TNIK: variants seen among roughly 807,000 people sequenced by gnomAD.
The protein encoded by TNIK is TRAF2 and NCK-interacting protein kinase.
In TNIK, 49 loss-of-function variants were observed where a neutral mutation model predicts 191.3. The observed-to-expected ratio is 0.26, with a 90% CI of 0.20 to 0.32. The LOEUF is 0.32. TNIK is among the 10% of genes least tolerant of loss of function. The pLI is 1.00. For synonymous variants in TNIK, 594 were observed against 600.9 expected, an observed-to-expected ratio of 0.99 and a Z score of 0.17; for missense variants, 1,155 against 1,702.3, an observed-to-expected ratio of 0.68 and a Z score of 5.66.
At chr3:171,204,677 T>C (rs1388591680) in intron 4 of TNIK, among the ~76,000 whole-genome samples, 2 of 152,228 alleles carry the variant, frequency 1.3e-5, no homozygotes, top group Admixed American at 6.5e-5. Context: ...CTCTTATTAG[T>C]AGCTAACAGG....
Position 171,114,073 on chromosome 3 carries a change from C to CT in TNIK, c.2121-3197dup, listed in dbSNP as rs199626065. On this transcript the variant is annotated intron_variant, in intron 18 of 32. Coordinates refer to ENST00000436636, the MANE Select transcript of TNIK (RefSeq NM_015028.4). ...TTCTTTGAAATTTATAACTCATAGG[C>CT]TTTTTTTTATTTTATTTTTCTGTTA... is the stretch of plus-strand genomic sequence containing the variant. Among the ~76,000 whole-genome samples the CT allele has an allele frequency of 9.8e-3, 1,459 of 149,178 alleles. 39 individuals are homozygous for CT. Among genetic ancestry groups the CT allele is most frequent in the Admixed American group, 0.049 (734 of 14,994 alleles).
intron 10 of TNIK, among the ~76,000 whole-genome samples, chr3:171,164,763 C>G (rs1734404260): frequency 6.6e-6 from 1 of 152,228 alleles, no homozygotes; most frequent in African/African-American, 2.4e-5. Context: ...TAGCCCAAGA[C>G]CACCATGGAC....
At chr3:171,238,666 C>A (rs2109027912) in intron 2 of TNIK, among the ~76,000 whole-genome samples, 1 of 152,190 alleles carries the variant, frequency 6.6e-6, no homozygotes, top group South Asian at 2.1e-4. Flanking sequence ...GGTTGAGAAA[C>A]CATGTTTTAA....
Position 171,365,161 on chromosome 3 carries a change from CTTTTTTTTTTTTTTTTTTTTTT to C in TNIK, c.123+4437_123+4458del, listed in dbSNP as rs60887361. On this transcript the variant is annotated intron_variant, in intron 2 of 32. Transcript: ENST00000436636. The stretch of plus-strand genomic sequence containing the variant: ...AAGGACTACACAAAAGGACTACATT[CTTTTTTTTTTTTTTTTTTTTTT>C]TTTTTTTTTTTTTTTTGAGACAGAG... Among the ~76,000 whole-genome samples the C allele has an allele frequency of 1.9e-4, 6 of 31,912 alleles. 1 individual carries two copies. Among genetic ancestry groups the C allele is most frequent in the African/African-American group, 9.0e-5 (1 of 11,164 alleles). The allele number at this position is 31,912 out of a possible 152,430, so 20.9% of individuals were successfully genotyped here.
At chr3:171,123,245 C>T (rs1223819647) in intron 18 of TNIK, among the ~76,000 whole-genome samples, 1 of 152,180 alleles carries the variant, frequency 6.6e-6, no homozygotes, top group Non-Finnish European at 1.5e-5. Flanking sequence ...TCATTTTGTT[C>T]TGCTGACTCT....
rs530819684 is a variant in TNIK at position 171,407,927 on chromosome 3, T to C, written c.58-38242A>G. On this transcript the variant is annotated intron_variant, in intron 1 of 32. Coordinates refer to ENST00000436636, the MANE Select transcript of TNIK (RefSeq NM_015028.4). The stretch of plus-strand genomic sequence containing the variant: ...TCTTCAATCCCTTCAGCAATCATGG[T>C]TCTGAGTCAGCTTTCATAACCCACA... Among the ~76,000 whole-genome samples the C allele has an allele frequency of 1.1e-4, 16 of 152,328 alleles. No individual in the cohort carries two copies. The South Asian group carries it at 3.1e-3, about 30-fold the overall frequency.
intron 21 of TNIK, among the ~76,000 whole-genome samples, chr3:171,103,184 T>C (rs1025720295): frequency 1.3e-5 from 2 of 151,944 alleles, no homozygotes; most frequent in African/African-American, 4.8e-5. Context: ...GCTAGGGCTT[T>C]TGCACACATG....
intron 6 of TNIK, among the ~76,000 whole-genome samples, chr3:171,190,086 G>A (rs1278847701): frequency 6.6e-6 from 1 of 152,138 alleles, no homozygotes; most frequent in Non-Finnish European, 1.5e-5. Flanking sequence ...TATACATCAA[G>A]CAGTCAAATG....
At chr3:171,280,364 C>A (rs1750286472) in intron 2 of TNIK, among the ~76,000 whole-genome samples, 1 of 152,210 alleles carries the variant, frequency 6.6e-6, no homozygotes, top group African/African-American at 2.4e-5. Context: ...CAGGCTCTGG[C>A]TTCCTGGGTC....
chr3:171,212,268 C>T (rs1487881412), intron 3 of TNIK, among the ~76,000 whole-genome samples: 3 of 151,958 alleles, frequency 2.0e-5, no homozygotes, highest in African/African-American at 7.3e-5. Context: ...TTCTTTCCCC[C>T]ACCTCTTCTT....
chr3:171,292,136 G>T lies in TNIK; in HGVS notation c.124-63915C>A, dbSNP rs529621945. Among the ~76,000 whole-genome samples, 9 of 152,134 alleles carry T rather than the reference G, an allele frequency of 5.9e-5. No individual in the cohort carries two copies. The East Asian group carries it at 1.5e-3, about 26-fold the overall frequency. On this transcript the variant is annotated intron_variant, in intron 2 of 32. Coordinates refer to ENST00000436636, the MANE Select transcript of TNIK (RefSeq NM_015028.4). Reference sequence around the variant, plus strand: ...CCTATATTTTCACTTATGTGTACAAGAATATTTTCCTTTATCTCAATTATA... The same window carrying T: ...CCTATATTTTCACTTATGTGTACAATAATATTTTCCTTTATCTCAATTATA...
chr3:171,120,954 T>TG (rs1449163793), intron 18 of TNIK, among the ~76,000 whole-genome samples: 2 of 152,190 alleles, frequency 1.3e-5, no homozygotes, highest in Non-Finnish European at 1.5e-5. Flanking sequence ...TTTGAGTCAC[T>TG]GGGTCCCAGG....
intron 29 of TNIK, among the ~76,000 whole-genome samples, chr3:171,069,884 G>C (rs891900294): frequency 6.6e-6 from 1 of 152,210 alleles, no homozygotes; most frequent in Non-Finnish European, 1.5e-5. Flanking sequence ...GGAAGCTCTA[G>C]CGTCCTGTCC....
intron 7 of TNIK, among the ~76,000 whole-genome samples, chr3:171,185,567 G>A (rs1315369471): frequency 6.6e-6 from 1 of 152,140 alleles, no homozygotes; most frequent in Non-Finnish European, 1.5e-5. Flanking sequence ...AGGGCCTCCA[G>A]GGGAAAGCCA....
chr3:171,106,327 T>C (rs1328934589), intron 21 of TNIK, among the ~76,000 whole-genome samples: 2 of 152,222 alleles, frequency 1.3e-5, no homozygotes, highest in East Asian at 3.8e-4. Context: ...GAGGAAACTC[T>C]GGCCCAGTGA....
chr3:171,237,082 G>A (rs1286034844), intron 2 of TNIK, among the ~76,000 whole-genome samples: 3 of 152,166 alleles, frequency 2.0e-5, no homozygotes, highest in Admixed American at 6.5e-5. Context: ...GCAGTCTCCT[G>A]TTCAGAAAGA....
At chr3:171,254,685 TC>T (rs1746631726) in intron 2 of TNIK, among the ~76,000 whole-genome samples, 1 of 152,308 alleles carries the variant, frequency 6.6e-6, no homozygotes, top group Non-Finnish European at 1.5e-5. Context: ...TGTCTATCCC[TC>T]CCTTTACAGC....
At chr3:171,097,284 G>T (rs933461595) in intron 22 of TNIK, among the ~76,000 whole-genome samples, 2 of 152,210 alleles carry the variant, frequency 1.3e-5, no homozygotes, top group African/African-American at 2.4e-5. Context: ...AGTGGAGTCT[G>T]TAATACTAAA....
At chr3:171,256,582 C>T (rs115346604) in intron 2 of TNIK, among the ~76,000 whole-genome samples, 2,500 of 152,228 alleles carry the variant, frequency 0.016, 77 homozygotes, top group African/African-American at 0.057. Flanking sequence ...TTAGGAAATA[C>T]TGTTTTGCCC....
Sources: allele counts gnomAD v4.1 joint callset (sites outside exome capture counted in the v4.1 genomes callset), GRCh38; gene constraint gnomAD v4.1.1; transcripts MANE v1.5; gene names NCBI Gene and HGNC (gene_info 2026-07-23, HGNC 2026-07-21).